Variants in RSU1 observed in about 807,000 individuals in gnomAD.
RSU1 encodes the protein Ras suppressor protein 1, also known as rsu-1.
A neutral mutation model predicts 31.1 loss-of-function variants in RSU1; 26 were observed. The ratio of observed to expected loss-of-function variants is 0.84; its 90% confidence interval spans 0.61 to 1.16. RSU1 has a LOEUF of 1.16. Among genes scored for constraint, RSU1 ranks in the 50% most tolerant of loss-of-function variants. The pLI, the probability that RSU1 is intolerant of heterozygous loss-of-function variation, is 0.00. For missense variants in RSU1, 320 were observed against 339.1 expected (o/e 0.94, Z 0.44); for synonymous variants, 164 against 136.3 (o/e 1.20, Z -1.41).
rs45505696 is a variant in RSU1, at chr10:16,695,169, A to T, written c.599-14T>A. The T allele has an allele frequency of 4.1e-6, 5 of 1,220,846 alleles. No individual in the cohort carries two copies. The highest frequency in any genetic ancestry group is 5.8e-5 in the East Asian group (2 of 34,614). The allele number at this position is 1,220,846 out of a possible 1,614,324, so 75.6% of individuals were successfully genotyped here. ...AATCCAAGTTTCCTGGGGGGGGGGA[A>T]AAAAAAAGTGAAGGTCACTTCATCC... is the stretch of plus-strand genomic sequence containing the variant. On this transcript the variant is annotated splice_polypyrimidine_tract_variant and intron_variant, in intron 7 of 8. Transcript: ENST00000345264.
At chr10:16,619,626 A>G (rs1834035682) in intron 8 of RSU1, among the ~76,000 whole-genome samples, 2 of 152,212 alleles carry the variant, frequency 1.3e-5, no homozygotes, top group African/African-American at 4.8e-5. Context: ...CCTCAGCTCA[A>G]TGGTACATCA....
intron 2 of RSU1, among the ~76,000 whole-genome samples, chr10:16,801,204 GACGCTAA>G (rs746870033): frequency 3.3e-5 from 5 of 151,926 alleles, no homozygotes; most frequent in Non-Finnish European, 7.4e-5. Flanking sequence ...AAAGAGATAT[GACGCTAA>G]ACGCTAAACA....
chr10:16,746,366 G>C (rs187924409), intron 7 of RSU1, among the ~76,000 whole-genome samples: 1 of 152,122 alleles, frequency 6.6e-6, no homozygotes, highest in African/African-American at 2.4e-5. Context: ...ACTTTGTTTT[G>C]TTGCATGCCG....
intron 8 of RSU1, among the ~76,000 whole-genome samples, chr10:16,670,208 G>A (rs1835080222): frequency 6.6e-6 from 1 of 152,200 alleles, no homozygotes; most frequent in South Asian, 2.1e-4. Context: ...TTAAATTACA[G>A]AAGAAAGCGC....
At chr10:16,648,629 T>C (rs1172390489) in intron 8 of RSU1, among the ~76,000 whole-genome samples, 1 of 152,138 alleles carries the variant, frequency 6.6e-6, no homozygotes, top group African/African-American at 2.4e-5. Flanking sequence ...TCATTTTTTT[T>C]CTAAAATCAA....
chr10:16,772,554 T>A (rs1479609912), intron 3 of RSU1, among the ~76,000 whole-genome samples: 5 of 140,946 alleles, frequency 3.5e-5, no homozygotes, highest in Admixed American at 7.9e-5. Flanking sequence ...GGGGAGGAAG[T>A]GACATCCAGC....
chr10:16,715,175 T>C (rs1836115923), intron 7 of RSU1, among the ~76,000 whole-genome samples: 1 of 152,164 alleles, frequency 6.6e-6, no homozygotes, highest in Non-Finnish European at 1.5e-5. Context: ...GAAATATAGT[T>C]GTTTACTTGT....
intron 7 of RSU1, among the ~76,000 whole-genome samples, chr10:16,704,299 T>G (rs1049863564): frequency 1.3e-5 from 2 of 152,192 alleles, no homozygotes; most frequent in African/African-American, 4.8e-5. Context: ...TCAGGAGCTT[T>G]GCATACATTA....
intron 8 of RSU1, among the ~76,000 whole-genome samples, chr10:16,694,816 A>C (rs1835639843): frequency 6.6e-6 from 1 of 152,078 alleles, no homozygotes. Context: ...GGCTCAAGCA[A>C]TCCTCTAGTC....
intron 8 of RSU1, among the ~76,000 whole-genome samples, chr10:16,657,919 G>A (rs751327717): frequency 7.2e-5 from 11 of 152,138 alleles, no homozygotes; most frequent in African/African-American, 2.7e-4. Context: ...GAAACTGGGA[G>A]GCGGAGGTTG....
At chr10:16,705,756 C>T (rs947031512) in intron 7 of RSU1, among the ~76,000 whole-genome samples, 1 of 152,180 alleles carries the variant, frequency 6.6e-6, no homozygotes, top group Non-Finnish European at 1.5e-5. Context: ...TCCCAAAGTG[C>T]TGGGATTACA....
chr10:16,631,526 T>C (rs567594740), intron 8 of RSU1, among the ~76,000 whole-genome samples: 166 of 152,336 alleles, frequency 1.1e-3, no homozygotes, highest in Non-Finnish European at 2.0e-3. Context: ...TACTGTGCCC[T>C]AGAACATCTT....
At chr10:16,783,675 G>GT (rs1837708048) in intron 2 of RSU1, among the ~76,000 whole-genome samples, 1 of 148,226 alleles carries the variant, frequency 6.7e-6, no homozygotes, top group South Asian at 2.1e-4. Flanking sequence ...TTTTTGTTTT[G>GT]TTTTTTGTTT....
chr10:16,776,423 T>C (rs1030012334), intron 3 of RSU1, among the ~76,000 whole-genome samples: 5 of 152,138 alleles, frequency 3.3e-5, no homozygotes, highest in African/African-American at 1.2e-4. Flanking sequence ...GAAGGTATCT[T>C]AGTATTTCTT....
At chr10:16,805,017 G>A (rs1009222543) in intron 2 of RSU1, among the ~76,000 whole-genome samples, 2 of 152,056 alleles carry the variant, frequency 1.3e-5, no homozygotes, top group Non-Finnish European at 2.9e-5. Flanking sequence ...GGCTAACTTG[G>A]TGAAAACCCA....
chr10:16,642,838 C>G (rs1203811452), intron 8 of RSU1, among the ~76,000 whole-genome samples: 1 of 152,064 alleles, frequency 6.6e-6, no homozygotes, highest in Non-Finnish European at 1.5e-5. Flanking sequence ...ATTCCTTTGC[C>G]TTCTAAAAGC....
At chr10:16,641,898 C>T (rs768498382) in intron 8 of RSU1, among the ~76,000 whole-genome samples, 10 of 152,190 alleles carry the variant, frequency 6.6e-5, no homozygotes, top group Admixed American at 4.6e-4. Context: ...TGTAGCAGAG[C>T]GGGCAGCAGG....
chr10:16,625,501 G>A (rs1445711212), intron 8 of RSU1, among the ~76,000 whole-genome samples: 4 of 152,134 alleles, frequency 2.6e-5, no homozygotes, highest in South Asian at 4.1e-4. Context: ...CGTTCTGATC[G>A]GGAAACCCAC....
At chr10:16,614,462 C>T (rs1833942785) in intron 8 of RSU1, among the ~76,000 whole-genome samples, 1 of 151,624 alleles carries the variant, frequency 6.6e-6, no homozygotes, top group Non-Finnish European at 1.5e-5. Context: ...AGTCCCCCCA[C>T]CACAAGAGAA....
Sources: gnomAD v4.1 joint callset for allele counts (sites outside exome capture counted in the v4.1 genomes callset) on GRCh38, gnomAD v4.1.1 for gene constraint, MANE v1.5 for transcripts, NCBI Gene and HGNC (gene_info 2026-07-23, HGNC 2026-07-21) for gene names.